The following SIRT1 variants were observed in gnomAD, a reference collection of about 807,000 sequenced individuals.
SIRT1 encodes the protein NAD-dependent protein deacetylase sirtuin-1.
A neutral mutation model predicts 67.9 loss-of-function variants in SIRT1; 24 were observed. The ratio of observed to expected loss-of-function variants is 0.35; its 90% CI spans 0.26 to 0.50. The LOEUF (loss-of-function observed/expected upper bound fraction) is 0.50. SIRT1 is among the 20% of genes least tolerant of loss of function. The pLI, the probability that SIRT1 is intolerant of heterozygous loss-of-function variation, is 0.98. For synonymous variants in SIRT1, 378 were observed against 350.7 expected, an observed-to-expected ratio of 1.08 and a Z score of -0.87; for missense variants, 873 against 937.2, an observed-to-expected ratio of 0.93 and a Z score of 0.89.
chr10:67,911,572 A>G (rs970437188), intron 7 of SIRT1, among the ~76,000 whole-genome samples: 2 of 152,108 alleles, frequency 1.3e-5, no homozygotes, highest in Non-Finnish European at 2.9e-5. Context: ...AAACAGGTTT[A>G]TAATAGCGTA....
intron 4 of SIRT1, among the ~76,000 whole-genome samples, chr10:67,901,150 AG>A (rs977616161): frequency 4.6e-5 from 7 of 151,798 alleles, no homozygotes; most frequent in African/African-American, 1.7e-4. Context: ...TTTAAATGCT[AG>A]GGTTTTTAGG....
At chr10:67,908,824 C>G (rs575614325) in intron 6 of SIRT1, among the ~76,000 whole-genome samples, 1 of 152,272 alleles carries the variant, frequency 6.6e-6, no homozygotes, top group African/African-American at 2.4e-5. Context: ...ATTATTTGAA[C>G]TCGGGAGGTG....
At chr10:67,912,280 T>G (rs1842912078) in intron 7 of SIRT1, among the ~76,000 whole-genome samples, 194 bp from the exon 8 acceptor site, 1 of 152,178 alleles carries the variant, frequency 6.6e-6, no homozygotes, top group African/African-American at 2.4e-5. Flanking sequence ...TTGAGCGTTT[T>G]ATAAAAGACA....
intron 8 of SIRT1, among the ~76,000 whole-genome samples, chr10:67,915,383 CT>C (rs1457559506): frequency 1.3e-5 from 2 of 152,208 alleles, no homozygotes; most frequent in Non-Finnish European, 2.9e-5. Flanking sequence ...GGATCCTACT[CT>C]TTCACTTAAA....
chr10:67,907,939 C>T, intron 5 of SIRT1, 107 bp from the exon 6 acceptor site: 1 of 924,234 alleles, frequency 1.1e-6, no homozygotes, highest in Non-Finnish European at 1.6e-6. Flanking sequence ...AACAAAAATC[C>T]TTAAACCCTC....
chr10:67,914,044 T>A (rs1226380141), intron 8 of SIRT1, among the ~76,000 whole-genome samples: 1 of 145,094 alleles, frequency 6.9e-6, no homozygotes, highest in Non-Finnish European at 1.5e-5. Flanking sequence ...GAACAAAACA[T>A]CACACAAAAG....
chr10:67,901,283 C>T (rs2131870130), intron 4 of SIRT1, among the ~76,000 whole-genome samples: 1 of 152,234 alleles, frequency 6.6e-6, no homozygotes, highest in Non-Finnish European at 1.5e-5. Context: ...CAGATGTGCA[C>T]CACCATGCCC....
At chr10:67,895,749 T>C (rs1278392589) in intron 4 of SIRT1, among the ~76,000 whole-genome samples, 2 of 31,070 alleles carry the variant, frequency 6.4e-5, no homozygotes, top group African/African-American at 1.2e-4. Context: ...TTTTTTTTTG[T>C]TTTTTTTTTT....
intron 1 of SIRT1, among the ~76,000 whole-genome samples, chr10:67,885,656 A>G (rs778061795): frequency 6.6e-6 from 1 of 152,084 alleles, no homozygotes; most frequent in Non-Finnish European, 1.5e-5. Flanking sequence ...TGAAATTACA[A>G]TTTTTGAAAG....
At position 67,912,751 on chromosome 10, in the gene SIRT1, A is replaced by G. The variant is rs762002957; in HGVS notation, c.1635A>G (p.Ser545=). The G allele has an allele frequency of 8.7e-6, 14 of 1,614,052 alleles. No homozygotes were observed. The Admixed American group carries it at 2.0e-4, about 23-fold the overall frequency. Residue 545 remains serine, a synonymous_variant, in exon 8 of 9, where the codon TCA becomes TCG. Transcript: ENST00000212015. The part of the protein sequence containing the change: ...SEDSSSPERT[S]PPDSSVIVTL... ...ACTCAAGTTCACCAGAAAGAACTTCACCACCAGATTCTTCAGTGATTGTCA... is the reference window on the plus strand; with the variant it reads ...ACTCAAGTTCACCAGAAAGAACTTCGCCACCAGATTCTTCAGTGATTGTCA...
intron 4 of SIRT1, chr10:67,906,266 C>CA (rs1842819203): frequency 6.3e-7 from 1 of 1,585,402 alleles, no homozygotes; most frequent in Admixed American, 1.8e-5. Context: ...TGTGCCTGTG[C>CA]AGTGGAAGGA....
chr10:67,912,801 G>C lies in SIRT1; in HGVS notation c.1685G>C (p.Ser562Thr). 1 of 1,614,144 alleles carries C rather than the reference G, an allele frequency of 6.2e-7. No individual in the cohort carries two copies. Residue 562 changes from serine to threonine, a missense_variant, in exon 8 of 9, where the codon AGT becomes ACT. Ser to Thr is a moderately conservative substitution (Grantham distance 58). Coordinates refer to ENST00000212015, the MANE Select transcript of SIRT1 (RefSeq NM_012238.5). Reference sequence around the variant, plus strand: ...ACACTTTTAGACCAAGCAGCTAAGAGTAATGATGATTTAGATGTGTCTGAA... The same window carrying C: ...ACACTTTTAGACCAAGCAGCTAAGACTAATGATGATTTAGATGTGTCTGAA... ...IVTLLDQAAK[S>T]NDDLDVSESK...
intron 4 of SIRT1, among the ~76,000 whole-genome samples, chr10:67,897,225 T>G (rs906670094): frequency 1.3e-5 from 2 of 151,854 alleles, no homozygotes; most frequent in Non-Finnish European, 2.9e-5. Flanking sequence ...CCACTTTGGA[T>G]TCTTTCACAC....
chr10:67,888,326 T>A (rs1272953984), intron 2 of SIRT1, among the ~76,000 whole-genome samples: 1 of 152,196 alleles, frequency 6.6e-6, no homozygotes, highest in Admixed American at 6.5e-5. Context: ...TATTTTTGTT[T>A]TCTCAAGCCT....
intron 4 of SIRT1, among the ~76,000 whole-genome samples, chr10:67,894,010 C>T (rs1012618778): frequency 2.0e-5 from 3 of 152,236 alleles, no homozygotes; most frequent in Non-Finnish European, 2.9e-5. Flanking sequence ...TGCAGTAGCT[C>T]GTGCCTATAA....
At chr10:67,887,898 G>A (rs1186403131) in intron 2 of SIRT1, among the ~76,000 whole-genome samples, 1 of 152,174 alleles carries the variant, frequency 6.6e-6, no homozygotes, top group Non-Finnish European at 1.5e-5. Flanking sequence ...TTTTTGTGTA[G>A]TGTTCTTCAT....
chr10:67,917,824 A>G lies in SIRT1; in HGVS notation c.*1231A>G, dbSNP rs983002258. 2 of 152,650 alleles carry G rather than the reference A, an allele frequency of 1.3e-5. No individual in the cohort carries two copies. The highest frequency in any genetic ancestry group is 2.1e-4 in the South Asian group (1 of 4,828). The allele number at this position is 152,650 out of a possible 1,614,324, so 9.5% of individuals were successfully genotyped here. On this transcript the variant is annotated 3_prime_UTR_variant, in exon 9 of 9. Coordinates refer to ENST00000212015, the MANE Select transcript of SIRT1 (RefSeq NM_012238.5). ...TAGCCTGCCTTAAAACTAGAGATCA[A>G]CTTTCTCAGCTGCAAAAGCTTCTAG...
At position 67,884,897 on chromosome 10, in the gene SIRT1, A is replaced by T. The variant is rs1265229401; in HGVS notation, c.176A>T (p.Glu59Val). The T allele has an allele frequency of 1.6e-6, 2 of 1,218,850 alleles. No individual in the cohort carries two copies. Among genetic ancestry groups the T allele is most frequent in the Non-Finnish European group, 2.0e-6 (2 of 979,844 alleles). 75.5% of individuals were successfully genotyped at this position (1,218,850 alleles called of 1,614,324 possible). A position where few individuals can be genotyped will look rare whatever the true frequency, so the allele number is the denominator to read the frequency against. Residue 59 changes from glutamate (E) to valine (V), a missense_variant, in exon 1 of 9, where the codon GAG (glutamate) becomes GTG (valine). Around this residue, in one of 3 missense-constraint regions of SIRT1, gnomAD observed 327 missense variants for 283.9 expected, o/e 1.15. Transcript: ENST00000212015. Reference protein sequence around the residue: ...GEPGGAAPEREVPAAARGCPG... With the variant: ...GEPGGAAPERVVPAAARGCPG... ...CCCGGTGGGGCGGCCCCAGAGCGTG[A>T]GGTGCCGGCGGCGGCCAGGGGCTGC...
chr10:67,906,004 A>G, intron 4 of SIRT1: 2 of 495,446 alleles, frequency 4.0e-6, no homozygotes, highest in Non-Finnish European at 6.3e-6. Context: ...TGATAGCACT[A>G]CTACTTTGAA....
Sources: allele counts gnomAD v4.1 joint callset (sites outside exome capture counted in the v4.1 genomes callset), GRCh38; gene constraint gnomAD v4.1.1; regional missense constraint gnomAD v4.1.1; transcripts MANE v1.5; gene names NCBI Gene and HGNC (gene_info 2026-07-23, HGNC 2026-07-21).